RTN4RL1: variants seen among roughly 807,000 people sequenced by gnomAD.
RTN4RL1 encodes the protein reticulon-4 receptor-like 1.
A neutral mutation model predicts 25.6 loss-of-function variants in RTN4RL1; 7 were observed. The observed-to-expected ratio is 0.27, with a 90% CI of 0.16 to 0.51. The LOEUF is 0.51. Among genes scored for constraint, RTN4RL1 ranks in the 20% least tolerant of loss-of-function variants. The pLI is 0.97. For missense variants in RTN4RL1, 500 were observed against 615.6 expected, an observed-to-expected ratio of 0.81 and a Z score of 1.99; for synonymous variants, 297 against 288.2, an observed-to-expected ratio of 1.03 and a Z score of -0.31.
At chr17:1,993,858 C>G (rs1261893429) in intron 1 of RTN4RL1, among the ~76,000 whole-genome samples, 1 of 152,116 alleles carries the variant, frequency 6.6e-6, no homozygotes, top group African/African-American at 2.4e-5. Context: ...TCACAACACA[C>G]AGCTTCAAAT....
At chr17:1,978,133 G>A (rs1230184211) in intron 1 of RTN4RL1, among the ~76,000 whole-genome samples, 2 of 152,220 alleles carry the variant, frequency 1.3e-5, no homozygotes, top group Non-Finnish European at 2.9e-5. Flanking sequence ...TGCCTGTGGG[G>A]GTCAAGGTTG....
chr17:1,996,071 C>T (rs1567519727), intron 1 of RTN4RL1, among the ~76,000 whole-genome samples: 1 of 152,170 alleles, frequency 6.6e-6, no homozygotes, highest in Admixed American at 6.5e-5. Context: ...GGCTGCCTGG[C>T]AGGAGAAGGG....
chr17:2,023,029 A>G (rs974452205), intron 1 of RTN4RL1, among the ~76,000 whole-genome samples: 1 of 152,216 alleles, frequency 6.6e-6, no homozygotes, highest in Non-Finnish European at 1.5e-5. Flanking sequence ...CACCTAAACC[A>G]TATAAATAAA....
At chr17:1,944,167 G>A (rs1186198253) in intron 1 of RTN4RL1, among the ~76,000 whole-genome samples, 2 of 150,994 alleles carry the variant, frequency 1.3e-5, no homozygotes, top group Admixed American at 6.6e-5. Flanking sequence ...TCGGCCTCCC[G>A]AAGTGCTGGG....
At chr17:1,939,787 C>T (rs1288714451) in intron 1 of RTN4RL1, among the ~76,000 whole-genome samples, 1 of 152,216 alleles carries the variant, frequency 6.6e-6, no homozygotes, top group East Asian at 1.9e-4. Flanking sequence ...CCCCAGGCGG[C>T]CAGGCAGGCG....
intron 1 of RTN4RL1, among the ~76,000 whole-genome samples, chr17:2,017,082 G>A (rs1359898291): frequency 3.9e-5 from 6 of 152,298 alleles, no homozygotes; most frequent in African/African-American, 1.4e-4. Flanking sequence ...ATGGTCAGAA[G>A]AATGCCAATT....
intron 1 of RTN4RL1, among the ~76,000 whole-genome samples, chr17:1,963,851 G>T (rs958758760): frequency 3.9e-5 from 6 of 152,052 alleles, no homozygotes; most frequent in Admixed American, 2.0e-4. Context: ...CCTGCCTCAG[G>T]CTCCCGAGTA....
chr17:1,964,138 A>G (rs911589645), intron 1 of RTN4RL1, among the ~76,000 whole-genome samples: 1 of 152,216 alleles, frequency 6.6e-6, no homozygotes, highest in Admixed American at 6.5e-5. Context: ...GCTGTCCAGC[A>G]TAGTAGCTGC....
At chr17:1,957,501 T>C (rs1915816703) in intron 1 of RTN4RL1, among the ~76,000 whole-genome samples, 1 of 152,068 alleles carries the variant, frequency 6.6e-6, no homozygotes, top group South Asian at 2.1e-4. Context: ...ATTATAAGGG[T>C]ATTAATAGCC....
intron 1 of RTN4RL1, among the ~76,000 whole-genome samples, chr17:2,024,464 G>A (rs962027539): frequency 2.0e-5 from 3 of 151,602 alleles, no homozygotes; most frequent in Non-Finnish European, 4.4e-5. Flanking sequence ...GTGCGGACTC[G>A]GCCTCCACAA....
intron 1 of RTN4RL1, among the ~76,000 whole-genome samples, chr17:1,986,854 A>G (rs2066889636): frequency 6.6e-6 from 1 of 151,720 alleles, no homozygotes; most frequent in African/African-American, 2.4e-5. Context: ...GGCTCTGCCC[A>G]CCACATGACA....
intron 1 of RTN4RL1, chr17:2,023,598 G>C (rs1213798158): frequency 6.6e-6 from 1 of 152,328 alleles, no homozygotes; most frequent in Non-Finnish European, 1.5e-5. Context: ...TGCCTGACCT[G>C]CTTATATCTG....
At chr17:1,979,822 C>T (rs1017104536) in intron 1 of RTN4RL1, among the ~76,000 whole-genome samples, 2 of 152,212 alleles carry the variant, frequency 1.3e-5, no homozygotes, top group Non-Finnish European at 2.9e-5. Context: ...CCCTCCTCCT[C>T]CCCCCTTGAC....
At position 1,958,684 on chromosome 17, in the gene RTN4RL1, G is replaced by A. The variant is rs6503104; in HGVS notation, c.14-20876C>T. On this transcript the variant is annotated intron_variant, in intron 1 of 1. Coordinates refer to ENST00000331238, the MANE Select transcript of RTN4RL1 (RefSeq NM_178568.4). The stretch of plus-strand genomic sequence containing the variant: ...CTAAAGAAACAGTTCCGGCAGGATC[G>A]TGCAGCAGCTGAGGCAGGCAGCTGG... 1.9e-3 allele frequency among the ~76,000 whole-genome samples: 287 copies of A among 152,342 alleles called. 2 individuals carry two copies. Among genetic ancestry groups the A allele is most frequent in the African/African-American group, 6.4e-3 (267 of 41,586 alleles).
At chr17:1,939,245 T>A (rs533731849) in intron 1 of RTN4RL1, among the ~76,000 whole-genome samples, 4 of 149,184 alleles carry the variant, frequency 2.7e-5, no homozygotes, top group Admixed American at 2.0e-4. Context: ...CCCAGCTACT[T>A]GGGAGGCTGA....
intron 1 of RTN4RL1, among the ~76,000 whole-genome samples, chr17:1,993,048 G>A (rs1191909547): frequency 6.6e-6 from 1 of 152,058 alleles, no homozygotes. Context: ...TTCGAGACCA[G>A]CCTGGACAAC....
At chr17:2,007,430 G>C (rs902057181) in intron 1 of RTN4RL1, among the ~76,000 whole-genome samples, 2 of 151,352 alleles carry the variant, frequency 1.3e-5, no homozygotes, top group African/African-American at 2.4e-5. Context: ...TGGCTGCTTG[G>C]GGTGGTGCCA....
intron 1 of RTN4RL1, chr17:2,003,268 C>T (rs540543853): frequency 2.0e-5 from 3 of 152,424 alleles, no homozygotes; most frequent in Admixed American, 6.5e-5. Context: ...GGCAGACGGG[C>T]GGGTGACACC....
In RTN4RL1 at chr17:1,936,621, T is replaced by C; in HGVS notation, c.1201A>G (p.Lys401Glu). The C allele has an allele frequency of 6.3e-7, 1 of 1,595,686 alleles. No homozygotes were observed. The highest frequency in any genetic ancestry group is 8.5e-7 in the Non-Finnish European group (1 of 1,171,812). ...DIMPTARPKR[K>E]GKCARRTPIR... ...GGGGTCCTGCGGGCACACTTGCCCT[T>C]CCTCTTGGGCCGGGCCGTAGGCATG... The change falls in exon 2 of 2, where the codon AAG (lysine) becomes GAG (glutamate). Residue 401 changes from lysine to glutamate, a missense_variant. Transcript: ENST00000331238.
Sources: allele counts gnomAD v4.1 joint callset (sites outside exome capture counted in the v4.1 genomes callset), GRCh38; gene constraint gnomAD v4.1.1; transcripts MANE v1.5; gene names NCBI Gene and HGNC (gene_info 2026-07-23, HGNC 2026-07-21).